Variants in SLC5A1 observed in about 807,000 individuals in gnomAD.
SLC5A1 encodes the protein solute carrier family 5 member 1, also known as sodium/glucose cotransporter 1.
In SLC5A1, 42 loss-of-function variants were observed where a neutral mutation model predicts 73.5. That is an observed-to-expected ratio of 0.57 (90% confidence interval 0.45 to 0.74). The LOEUF (loss-of-function observed/expected upper bound fraction) is 0.74, where lower values mean the gene tolerates loss of function less well. SLC5A1 is among the 30% of genes least tolerant of loss of function. The pLI is 0.00. For missense variants in SLC5A1, 634 were observed against 855.4 expected, an observed-to-expected ratio of 0.74 and a Z score of 3.23; for synonymous variants, 300 against 317.4, an observed-to-expected ratio of 0.95 and a Z score of 0.58.
At position 32,101,963 on chromosome 22, in the gene SLC5A1, T is replaced by C. The variant is rs563590474; in HGVS notation, c.1450-59T>C. Reference sequence around the variant, plus strand: ...CTGCCTATGCCTCTCCAAAGAATGTTAGAAAGGCCATCTGTTTTGTGTGTT... The same window carrying C: ...CTGCCTATGCCTCTCCAAAGAATGTCAGAAAGGCCATCTGTTTTGTGTGTT... On this transcript the variant is annotated intron_variant, in intron 12 of 14. Transcript: ENST00000266088. The C allele has an allele frequency of 2.9e-4, 396 of 1,349,572 alleles. 9 individuals carry two copies. The South Asian group carries it at 4.6e-3, about 16-fold the overall frequency. 83.6% of individuals were successfully genotyped at this position (1,349,572 alleles called of 1,614,324 possible).
chr22:32,076,749 A>T (rs1386676929), intron 5 of SLC5A1, among the ~76,000 whole-genome samples: 2 of 152,220 alleles, frequency 1.3e-5, no homozygotes, highest in East Asian at 3.8e-4. Flanking sequence ...AAACACACAC[A>T]TATAAAATCA....
chr22:32,091,301 AC>A, intron 10 of SLC5A1, among the ~76,000 whole-genome samples: 1 of 18,580 alleles, frequency 5.4e-5, no homozygotes, highest in Middle Eastern at 0.033. Flanking sequence ...ATACACAAAC[AC>A]ACACACACAC....
At position 32,099,217 on chromosome 22, in the gene SLC5A1, G is replaced by T. The variant is rs200562349; in HGVS notation, c.1315G>T (p.Ala439Ser). The change falls in exon 12 of 15, where the codon GCC becomes TCC. Residue 439 changes from alanine to serine, a missense_variant. Physicochemically the swap from Ala to Ser is moderately conservative, Grantham distance 99. Transcript: ENST00000266088. ...FILVLIGISI[A>S]WVPIVQSAQS... ...CCTGGTGCTGATTGGCATCAGCATC[G>T]CCTGGGTGCCCATTGTGCAGTCAGC... The T allele has an allele frequency of 6.2e-7, 1 of 1,610,570 alleles. No individual in the cohort carries two copies. Among genetic ancestry groups the T allele is most frequent in the Non-Finnish European group, 8.5e-7 (1 of 1,178,966 alleles).
Position 32,043,803 on chromosome 22 carries a change from T to C in SLC5A1, c.135+387T>C, listed in dbSNP as rs972377741. Among the ~76,000 whole-genome samples the C allele has an allele frequency of 1.3e-5, 2 of 152,074 alleles. No homozygotes were observed. Among genetic ancestry groups the C allele is most frequent in the Non-Finnish European group, 2.9e-5 (2 of 67,998 alleles). Reference sequence around the variant, plus strand: ...TGACTACTGTCCTACCTTTTAGTCATCCAGTTTCAGATGGGAAAGAAATGG... The same window carrying C: ...TGACTACTGTCCTACCTTTTAGTCACCCAGTTTCAGATGGGAAAGAAATGG... On this transcript the variant is annotated intron_variant, in intron 1 of 14. Transcript: ENST00000266088. The surrounding 1 kb of genome is among the most constrained non-coding windows in gnomAD (Gnocchi z 6.5).
At chr22:32,082,890 G>A (rs2094002190) in intron 6 of SLC5A1, among the ~76,000 whole-genome samples, 184 bp from the exon 7 acceptor site, 1 of 152,196 alleles carries the variant, frequency 6.6e-6, no homozygotes, top group Admixed American at 6.5e-5. Flanking sequence ...TGGAGCTGTG[G>A]GAACATGCTG....
At chr22:32,052,541 G>A (rs1171770396) in intron 2 of SLC5A1, among the ~76,000 whole-genome samples, 1 of 152,110 alleles carries the variant, frequency 6.6e-6, no homozygotes, top group Non-Finnish European at 1.5e-5. Context: ...ATGCACTCCA[G>A]GAAGAAGTGA....
At chr22:32,105,840 G>A (rs1018880313) in intron 14 of SLC5A1, among the ~76,000 whole-genome samples, 2 of 152,114 alleles carry the variant, frequency 1.3e-5, no homozygotes, top group African/African-American at 4.8e-5. Context: ...TGAGATGTTT[G>A]TCTTACTGTG....
intron 11 of SLC5A1, 79 bp downstream of exon 11, chr22:32,091,841 A>G: frequency 1.4e-6 from 2 of 1,461,688 alleles, no homozygotes; most frequent in Non-Finnish European, 9.6e-7. Flanking sequence ...AAGCTAGGGA[A>G]GGTTGGCAGA....
intron 10 of SLC5A1, among the ~76,000 whole-genome samples, chr22:32,089,243 G>C (rs1324249470): frequency 6.6e-6 from 1 of 152,106 alleles, no homozygotes; most frequent in African/African-American, 2.4e-5. Context: ...CTATATCTCT[G>C]ATAGTTTGTG....
At chr22:32,077,166 G>A (rs1725587047) in intron 5 of SLC5A1, among the ~76,000 whole-genome samples, 2 of 152,050 alleles carry the variant, frequency 1.3e-5, no homozygotes, top group African/African-American at 4.8e-5. Flanking sequence ...TAGCAGCATT[G>A]GAGAAATTTT....
intron 1 of SLC5A1, 27 bp from the exon 2 acceptor site, chr22:32,049,915 AT>A (rs760324126): frequency 5.0e-6 from 8 of 1,604,038 alleles, no homozygotes; most frequent in Non-Finnish European, 6.8e-6. Context: ...CTAGTTTTCG[AT>A]TACATTTTTG....
At chr22:32,081,691 C>T (rs2094000108) in intron 5 of SLC5A1, among the ~76,000 whole-genome samples, 175 bp from the exon 6 acceptor site, 1 of 152,166 alleles carries the variant, frequency 6.6e-6, no homozygotes, top group Non-Finnish European at 1.5e-5. Flanking sequence ...AAAGAAACTG[C>T]CTTAATTCTG....
chr22:32,044,569 C>A (rs2093934704), intron 1 of SLC5A1, among the ~76,000 whole-genome samples: 1 of 151,094 alleles, frequency 6.6e-6, no homozygotes, highest in South Asian at 2.1e-4. Context: ...CAGAATGCCT[C>A]CCAAGTGTCA....
rs936820659 is a variant in SLC5A1, at chr22:32,043,531, G to A, written c.135+115G>A. On this transcript the variant is annotated intron_variant, in intron 1 of 14. Transcript: ENST00000266088. This position sits in a 1 kb window ranked among gnomAD's most constrained non-coding sequence, Gnocchi z 6.5. ...AGTGTCGGTGGAGGGGAGAGGAAAT[G>A]ACTTGGAAGCACTTTAGAAGCACTC... 1.7e-6 allele frequency: 2 copies of A among 1,160,310 alleles called. No individual in the cohort carries two copies. The highest frequency in any genetic ancestry group is 1.5e-5 in the African/African-American group (1 of 65,888). The allele number at this position is 1,160,310 out of a possible 1,614,324, so 71.9% of individuals were successfully genotyped here.
intron 10 of SLC5A1, among the ~76,000 whole-genome samples, chr22:32,090,360 T>C (rs1417154690): frequency 6.6e-6 from 1 of 152,208 alleles, no homozygotes; most frequent in Non-Finnish European, 1.5e-5. Context: ...TATTCCTAGA[T>C]TTGCCTATTC....
intron 2 of SLC5A1, among the ~76,000 whole-genome samples, chr22:32,061,932 TGAGGAACAGACACATGAGAA>T (rs1371218810): frequency 2.0e-5 from 3 of 152,074 alleles, no homozygotes; most frequent in Admixed American, 1.3e-4. Context: ...CCATTGTCGA[TGAGGAACAGACACATGAGAA>T]GAGGAACAGA....
intron 14 of SLC5A1, among the ~76,000 whole-genome samples, chr22:32,106,592 T>C (rs1204950962): frequency 1.3e-5 from 2 of 152,196 alleles, no homozygotes; most frequent in Non-Finnish European, 2.9e-5. Context: ...GATGAGGGGA[T>C]AGAAGCCCTT....
intron 5 of SLC5A1, among the ~76,000 whole-genome samples, chr22:32,072,166 G>A (rs539415417): frequency 6.6e-6 from 1 of 152,248 alleles, no homozygotes; most frequent in South Asian, 2.1e-4. Context: ...TGTCACCCAG[G>A]TAATAAGCAT....
At position 32,093,104 on chromosome 22, in the gene SLC5A1, T is replaced by C. The variant is rs563677954; in HGVS notation, c.1280+1342T>C. 4.1e-4 allele frequency among the ~76,000 whole-genome samples: 62 copies of C among 152,286 alleles called. 1 individual carries two copies. The highest frequency in any genetic ancestry group is 3.4e-3 in the Middle Eastern group (1 of 294). ...TTTTGTTTGGTTTGTCAAAGATTAG[T>C]TGGCTCTAAGTATTTGGGTTTATTT... On this transcript the variant is annotated intron_variant, in intron 11 of 14. Coordinates refer to ENST00000266088, the MANE Select transcript of SLC5A1 (RefSeq NM_000343.4).
Sources: gnomAD v4.1 joint callset for allele counts (sites outside exome capture counted in the v4.1 genomes callset) on GRCh38, gnomAD v4.1.1 for gene constraint, Gnocchi (gnomAD v3.1) non-coding constraint, MANE v1.5 for transcripts, NCBI Gene and HGNC (gene_info 2026-07-23, HGNC 2026-07-21) for gene names.